The following DOCK10 variants were observed in gnomAD, a reference collection of about 807,000 sequenced individuals.
DOCK10 encodes the protein dedicator of cytokinesis 10.
DOCK10 carries 145 observed loss-of-function variants against 280.1 expected under a neutral mutation model. That is an observed-to-expected ratio of 0.52 (90% CI 0.45 to 0.59). The LOEUF (loss-of-function observed/expected upper bound fraction) is 0.59, where lower values mean the gene tolerates loss of function less well. DOCK10 is among the 20% of genes least tolerant of loss of function. The pLI, the probability that DOCK10 is intolerant of heterozygous loss-of-function variation, is 0.00. For missense variants in DOCK10, 2,368 were observed against 2,651.7 expected (o/e 0.89, Z 2.35); for synonymous variants, 915 against 942.2 (o/e 0.97, Z 0.53).
chr2:224,979,852 G>A (rs766749019), intron 1 of DOCK10, among the ~76,000 whole-genome samples: 1 of 152,030 alleles, frequency 6.6e-6, no homozygotes, highest in Non-Finnish European at 1.5e-5. Flanking sequence ...TTTTATAGGA[G>A]AGGAAAAGAG....
intron 9 of DOCK10, 120 bp from the exon 10 acceptor site, chr2:224,874,469 A>G: frequency 1.1e-6 from 1 of 932,656 alleles, no homozygotes; most frequent in South Asian, 1.6e-5. Context: ...ACCCATTAAC[A>G]CTTGGCAAAT....
chr2:224,955,247 G>A (rs1489135999), intron 1 of DOCK10, among the ~76,000 whole-genome samples: 1 of 152,128 alleles, frequency 6.6e-6, no homozygotes, highest in Non-Finnish European at 1.5e-5. Flanking sequence ...GGGAGACTAA[G>A]GTCTTTCAAA....
intron 28 of DOCK10, 72 bp from the exon 29 acceptor site, chr2:224,819,601 T>A: frequency 1.0e-6 from 1 of 979,302 alleles, no homozygotes; most frequent in South Asian, 1.7e-5. Flanking sequence ...AAAATATGAT[T>A]AAATATATTG....
intron 1 of DOCK10, among the ~76,000 whole-genome samples, chr2:224,935,192 C>A (rs1392000879): frequency 2.0e-5 from 3 of 152,128 alleles, no homozygotes; most frequent in Non-Finnish European, 4.4e-5. Flanking sequence ...TCTGGGCTAC[C>A]CAGGGCATCT....
chr2:224,941,593 C>A (rs990384691), intron 1 of DOCK10, among the ~76,000 whole-genome samples: 3 of 152,042 alleles, frequency 2.0e-5, no homozygotes, highest in Non-Finnish European at 4.4e-5. Flanking sequence ...TCTGTAATCC[C>A]AGAACGTTGG....
chr2:224,782,208 T>C (rs1691397094), intron 50 of DOCK10, among the ~76,000 whole-genome samples: 1 of 152,160 alleles, frequency 6.6e-6, no homozygotes, highest in African/African-American at 2.4e-5. Context: ...GATGATGGTT[T>C]TCCATACTAC....
chr2:224,800,340 C>T lies in DOCK10; in HGVS notation c.4394-77G>A, dbSNP rs113081397. 4.1e-3 allele frequency: 3,282 copies of T among 795,228 alleles called. 16 individuals carry two copies. Among genetic ancestry groups the T allele is most frequent in the Non-Finnish European group, 5.6e-3 (2,829 of 504,192 alleles). 49.3% of individuals were successfully genotyped at this position (795,228 alleles called of 1,614,324 possible). A position where few individuals can be genotyped will look rare whatever the true frequency, so the allele number is the denominator to read the frequency against. On this transcript the variant is annotated intron_variant, in intron 40 of 55. Transcript: ENST00000258390. ...CCCTATAAAGGATTTCCTTTCATTA[C>T]AATATATTCAAAGTTTGCTGGCATT... is the stretch of plus-strand genomic sequence containing the variant.
At chr2:224,781,119 CT>C (rs1311794072) in intron 50 of DOCK10, among the ~76,000 whole-genome samples, 2 of 152,188 alleles carry the variant, frequency 1.3e-5, no homozygotes, top group East Asian at 3.9e-4. Context: ...GATGAAAAAT[CT>C]CTGTATCTAT....
At chr2:224,834,508 A>T (rs143521390) in intron 25 of DOCK10, among the ~76,000 whole-genome samples, 1 of 152,334 alleles carries the variant, frequency 6.6e-6, no homozygotes, top group African/African-American at 2.4e-5. Context: ...AAAGAGCCAG[A>T]GAGCCATTTA....
intron 1 of DOCK10, among the ~76,000 whole-genome samples, chr2:225,030,771 TG>T (rs1197476017): frequency 6.6e-6 from 1 of 152,236 alleles, no homozygotes; most frequent in Non-Finnish European, 1.5e-5. Context: ...ATAATATTTG[TG>T]TTGTAAATAT....
intron 1 of DOCK10, among the ~76,000 whole-genome samples, chr2:224,945,473 G>A (rs998010167): frequency 3.3e-5 from 5 of 152,078 alleles, no homozygotes; most frequent in African/African-American, 9.7e-5. Flanking sequence ...TCAACTGCAT[G>A]TATTCACCAA....
intron 3 of DOCK10, among the ~76,000 whole-genome samples, chr2:224,898,746 T>C (rs1285437998): frequency 6.6e-6 from 1 of 152,066 alleles, no homozygotes; most frequent in Non-Finnish European, 1.5e-5. Flanking sequence ...CGGGCTAATT[T>C]TTTGTATTTT....
chr2:224,859,791 T>G (rs752086732), intron 14 of DOCK10, among the ~76,000 whole-genome samples: 19 of 152,130 alleles, frequency 1.2e-4, no homozygotes, highest in Admixed American at 8.5e-4. Context: ...AGGGTATCAA[T>G]TAGGTATTGA....
intron 2 of DOCK10, among the ~76,000 whole-genome samples, chr2:224,927,524 A>C (rs1702100523): frequency 6.6e-6 from 1 of 152,176 alleles, no homozygotes; most frequent in Admixed American, 6.5e-5. Flanking sequence ...GGGACAGCAG[A>C]GTGAATAGAG....
intron 44 of DOCK10, among the ~76,000 whole-genome samples, chr2:224,795,977 C>T (rs1404387751): frequency 6.6e-6 from 1 of 152,032 alleles, no homozygotes; most frequent in Non-Finnish European, 1.5e-5. Flanking sequence ...CTTAACGATT[C>T]AAACAATAAA....
At position 224,784,067 on chromosome 2, in the gene DOCK10, G is replaced by A. The variant is rs530762597; in HGVS notation, c.5655+2955C>T. The stretch of plus-strand genomic sequence containing the variant: ...CTTTGTCATAGAGCTCTGGGTACTG[G>A]CAGGTTATTTTGGACATGGCTTGTT... On this transcript the variant is annotated intron_variant, in intron 50 of 55. Coordinates refer to ENST00000258390, the MANE Select transcript of DOCK10 (RefSeq NM_014689.3). Among the ~76,000 whole-genome samples the A allele has an allele frequency of 5.5e-4, 83 of 152,036 alleles. 1 individual carries two copies. Among genetic ancestry groups the A allele is most frequent in the Non-Finnish European group, 1.0e-3 (70 of 68,008 alleles).
chr2:224,877,066 A>T (rs1259268650), intron 7 of DOCK10, among the ~76,000 whole-genome samples: 1 of 152,204 alleles, frequency 6.6e-6, no homozygotes, highest in African/African-American at 2.4e-5. Context: ...GCCACAAGGA[A>T]GGCCTGAGAC....
chr2:224,971,268 C>T (rs925777741), intron 1 of DOCK10, among the ~76,000 whole-genome samples: 1 of 151,580 alleles, frequency 6.6e-6, no homozygotes. Context: ...TCAACAGAGA[C>T]ACGGAGGGCA....
chr2:224,903,025 GA>G (rs1345981398), intron 3 of DOCK10, among the ~76,000 whole-genome samples: 1 of 152,196 alleles, frequency 6.6e-6, no homozygotes, highest in Non-Finnish European at 1.5e-5. Context: ...GTGAACCCGG[GA>G]GGCGGAGCTT....
Sources: allele counts gnomAD v4.1 joint callset (sites outside exome capture counted in the v4.1 genomes callset), GRCh38; gene constraint gnomAD v4.1.1; transcripts MANE v1.5; gene names NCBI Gene and HGNC (gene_info 2026-07-23, HGNC 2026-07-21).